SCN10A: variants seen among roughly 807,000 people sequenced by gnomAD.
SCN10A encodes sodium voltage-gated channel alpha subunit 10, also known as sodium channel protein type 10 subunit alpha.
SCN10A carries 162 observed loss-of-function variants against 170.7 expected under a neutral mutation model. That is an observed-to-expected ratio of 0.95 (90% CI 0.84 to 1.08). The LOEUF is 1.08. Among genes scored for constraint, SCN10A ranks in the 50% least tolerant of loss-of-function variants. SCN10A has a pLI of 0.00. For missense variants in SCN10A, 2,527 were observed against 2,436.9 expected (o/e 1.04, Z -0.78); for synonymous variants, 985 against 904.6 (o/e 1.09, Z -1.59).
At chr3:38,764,315 C>T (rs1432906114) in intron 5 of SCN10A, among the ~76,000 whole-genome samples, 1 of 152,166 alleles carries the variant, frequency 6.6e-6, no homozygotes, top group East Asian at 1.9e-4. Flanking sequence ...GGTGCACCAT[C>T]ACCCGAGCAG....
At chr3:38,783,400 C>T (rs2064162037) in intron 4 of SCN10A, among the ~76,000 whole-genome samples, 1 of 152,028 alleles carries the variant, frequency 6.6e-6, no homozygotes, top group African/African-American at 2.4e-5. Context: ...GTATGCATTC[C>T]TAAACAAAAT....
chr3:38,789,501 A>G (rs1221996098), intron 3 of SCN10A, among the ~76,000 whole-genome samples: 1 of 152,186 alleles, frequency 6.6e-6, no homozygotes. Flanking sequence ...ATTCTAAAAG[A>G]CAAAGAAAAG....
intron 15 of SCN10A, 22 bp downstream of exon 15, chr3:38,739,493 G>C: frequency 6.2e-7 from 1 of 1,607,084 alleles, no homozygotes; most frequent in Non-Finnish European, 8.5e-7. Context: ...GTTTCCCCAA[G>C]CCATCAAGAG....
chr3:38,773,708 T>G (rs1465748297), intron 4 of SCN10A, among the ~76,000 whole-genome samples: 1 of 152,250 alleles, frequency 6.6e-6, no homozygotes, highest in Non-Finnish European at 1.5e-5. Flanking sequence ...AAACAGTGTT[T>G]ACTTAGCAAT....
At position 38,699,406 on chromosome 3, in the gene SCN10A, C is replaced by T. The variant is rs186981332; in HGVS notation, c.4658-844G>A. ...GGGGACCTGGGGAGCCTTATTTGTA[C>T]CAAAGGCCTCCACCAAAGATGAGGC... On this transcript the variant is annotated intron_variant, in intron 27 of 27. Coordinates refer to ENST00000449082, the MANE Select transcript of SCN10A (RefSeq NM_006514.4). Among the ~76,000 whole-genome samples, 33 of 152,096 alleles carry T rather than the reference C, an allele frequency of 2.2e-4. No homozygotes were observed. The East Asian group carries it at 6.2e-3, about 29-fold the overall frequency.
chr3:38,718,881 G>A, intron 20 of SCN10A, 55 bp from the exon 21 acceptor site: 3 of 1,555,300 alleles, frequency 1.9e-6, no homozygotes, highest in Middle Eastern at 1.7e-4. Flanking sequence ...CAGCACTGGG[G>A]CCCAGACTGA....
At chr3:38,724,380 C>G (rs1279472272) in intron 18 of SCN10A, among the ~76,000 whole-genome samples, 1 of 152,228 alleles carries the variant, frequency 6.6e-6, no homozygotes, top group South Asian at 2.1e-4. Flanking sequence ...AAATTAAATT[C>G]TTGAATTGAA....
rs368312678 is a variant in SCN10A, at chr3:38,793,860, G to T, written c.151C>A (p.Pro51Thr). Reference protein sequence around the residue: ...HREQKDQEEKPRPQLDLKACN... With the variant: ...HREQKDQEEKTRPQLDLKACN... ...GCTTTCAAGTCCAGCTGGGGCCGAG[G>T]CTTCTCTTCTTGGTCCTTCTGCTCC... is the stretch of plus-strand genomic sequence containing the variant. The change falls in exon 2 of 28, where the codon CCT becomes ACT. Residue 51 changes from proline to threonine, a missense_variant. Transcript: ENST00000449082. 6.2e-7 allele frequency: 1 copy of T among 1,614,054 alleles called. No homozygotes were observed. Among genetic ancestry groups the T allele is most frequent in the Non-Finnish European group, 8.5e-7 (1 of 1,179,960 alleles).
At chr3:38,762,474 A>G (rs2063885303) in intron 6 of SCN10A, among the ~76,000 whole-genome samples, 1 of 152,106 alleles carries the variant, frequency 6.6e-6, no homozygotes, top group Admixed American at 6.6e-5. Flanking sequence ...AGGAGGAAGG[A>G]TATCCCAGAA....
Position 38,723,515 on chromosome 3 carries a change from C to T in SCN10A, c.3267G>A (p.Val1089=). 2 of 1,610,972 alleles carry T rather than the reference C, an allele frequency of 1.2e-6. No individual in the cohort carries two copies. Among genetic ancestry groups the T allele is most frequent in the East Asian group, 2.2e-5 (1 of 44,766 alleles). The change falls in exon 19 of 28, where the codon GTG becomes GTA. Residue 1089 remains valine (V), a synonymous_variant. Coordinates refer to ENST00000449082, the MANE Select transcript of SCN10A (RefSeq NM_006514.4). ...DDTSSSEGST[V]DCLDPEEILR... ...GGATTTCCTCAGGATCTAGGCAGTCCACCGTGCTGCCCTCAGAGGAGCTTG... is the reference window on the plus strand; with the variant it reads ...GGATTTCCTCAGGATCTAGGCAGTCTACCGTGCTGCCCTCAGAGGAGCTTG...
chr3:38,769,820 G>C (rs114138805), intron 5 of SCN10A, among the ~76,000 whole-genome samples: 1 of 152,106 alleles, frequency 6.6e-6, no homozygotes, highest in Non-Finnish European at 1.5e-5. Flanking sequence ...TGCAGTGATC[G>C]TTATTGTTCT....
chr3:38,740,502 C>T (rs2063619380), intron 14 of SCN10A, among the ~76,000 whole-genome samples: 1 of 152,150 alleles, frequency 6.6e-6, no homozygotes, highest in Non-Finnish European at 1.5e-5. Flanking sequence ...TTTCTCATGC[C>T]ACAAGACTGA....
intron 2 of SCN10A, 134 bp downstream of exon 2, chr3:38,793,606 AT>A (rs889528547): frequency 3.0e-4 from 216 of 710,024 alleles, no homozygotes; most frequent in Middle Eastern, 4.2e-4. Flanking sequence ...ATATATATAT[AT>A]TTTTTTTGGT....
chr3:38,705,646 T>C (rs1251084156), intron 26 of SCN10A, among the ~76,000 whole-genome samples: 1 of 152,174 alleles, frequency 6.6e-6, no homozygotes, highest in East Asian at 1.9e-4. Flanking sequence ...AAGCTTTCTT[T>C]GGCAGCCTAT....
intron 5 of SCN10A, among the ~76,000 whole-genome samples, chr3:38,769,316 G>A (rs964134696): frequency 1.6e-4 from 21 of 132,902 alleles, no homozygotes; most frequent in Admixed American, 1.8e-4. Flanking sequence ...TCAGCTCACC[G>A]CAACCTCTGC....
intron 19 of SCN10A, 65 bp from the exon 20 acceptor site, chr3:38,722,477 G>C: frequency 1.3e-6 from 2 of 1,546,232 alleles, no homozygotes; most frequent in South Asian, 2.4e-5. Flanking sequence ...TTCTGCTCCT[G>C]CTGCAGAGAA....
At position 38,697,878 on chromosome 3, in the gene SCN10A, T is replaced by A. The variant is rs372368062; in HGVS notation, c.5342A>T (p.Asn1781Ile). The A allele has an allele frequency of 6.2e-7, 1 of 1,613,848 alleles. No individual in the cohort carries two copies. The highest frequency in any genetic ancestry group is 8.5e-7 in the Non-Finnish European group (1 of 1,180,000). ...LSGPLRIPKPNRNILIQMDLP... is the reference protein window; with the variant it reads ...LSGPLRIPKPIRNILIQMDLP... ...GTCCATCTGGATCAGTATATTTCGATTGGGTTTTGGGATTCTCAGGGGACC... is the reference window on the plus strand; with the variant it reads ...GTCCATCTGGATCAGTATATTTCGAATGGGTTTTGGGATTCTCAGGGGACC... The change falls in exon 28 of 28, where the codon AAT becomes ATT. Residue 1781 changes from asparagine to isoleucine, a missense_variant. Transcript: ENST00000449082.
chr3:38,797,297 C>T (rs1005601920), intron 1 of SCN10A, among the ~76,000 whole-genome samples: 4 of 152,146 alleles, frequency 2.6e-5, no homozygotes, highest in African/African-American at 9.7e-5. Flanking sequence ...ATGTAGGAGG[C>T]TCTGCTGGTT....
intron 1 of SCN10A, among the ~76,000 whole-genome samples, chr3:38,799,002 C>A (rs1444132916): frequency 6.6e-6 from 1 of 151,874 alleles, no homozygotes; most frequent in Non-Finnish European, 1.5e-5. Flanking sequence ...AGGCTGGTCT[C>A]AAACTCCTGG....
Sources: allele counts gnomAD v4.1 joint callset (sites outside exome capture counted in the v4.1 genomes callset), GRCh38; gene constraint gnomAD v4.1.1; transcripts MANE v1.5; gene names NCBI Gene and HGNC (gene_info 2026-07-23, HGNC 2026-07-21).